The following MAGI2 variants were observed in gnomAD, a reference collection of about 807,000 sequenced individuals.
MAGI2 encodes membrane-associated guanylate kinase, WW and PDZ domain-containing protein 2.
A neutral mutation model predicts 133.3 loss-of-function variants in MAGI2; 35 were observed. The ratio of observed to expected loss-of-function variants is 0.26; its 90% CI spans 0.20 to 0.35. The LOEUF is 0.35. MAGI2 is among the 10% of genes least tolerant of loss of function. MAGI2 has a pLI of 1.00. For synonymous variants in MAGI2, 729 were observed against 710.6 expected (o/e 1.03, Z -0.41); for missense variants, 1,636 against 1,863.4 (o/e 0.88, Z 2.25).
intron 3 of MAGI2, among the ~76,000 whole-genome samples, chr7:78,533,329 G>A (rs1172230084): frequency 6.6e-6 from 1 of 152,076 alleles, no homozygotes; most frequent in Non-Finnish European, 1.5e-5. Flanking sequence ...GGAAAGAAAT[G>A]TGTGGGTCAA....
At chr7:78,903,875 C>T (rs947222634) in intron 2 of MAGI2, 1 of 152,120 alleles carries the variant, frequency 6.6e-6, no homozygotes, top group African/African-American at 2.4e-5. Flanking sequence ...TTCTTTATTC[C>T]CTGTTGCACA....
intron 1 of MAGI2, among the ~76,000 whole-genome samples, chr7:79,258,364 G>C (rs561098662): frequency 2.6e-5 from 4 of 152,216 alleles, no homozygotes; most frequent in African/African-American, 9.6e-5. Context: ...CTAATCAACA[G>C]GGGAAAAAAC....
At chr7:78,219,712 C>A (rs1276534374) in intron 10 of MAGI2, among the ~76,000 whole-genome samples, 2 of 152,186 alleles carry the variant, frequency 1.3e-5, no homozygotes, top group Non-Finnish European at 2.9e-5. Flanking sequence ...AAACCATTCT[C>A]CAATCCAGAA....
At chr7:78,572,405 G>A (rs550759106) in intron 3 of MAGI2, among the ~76,000 whole-genome samples, 5 of 152,164 alleles carry the variant, frequency 3.3e-5, no homozygotes, top group African/African-American at 1.2e-4. Context: ...TCAGACAGAG[G>A]CAAAAGTTCA....
intron 5 of MAGI2, among the ~76,000 whole-genome samples, chr7:78,494,685 T>G (rs1793928421): frequency 6.6e-6 from 1 of 152,228 alleles, no homozygotes; most frequent in African/African-American, 2.4e-5. Context: ...ATGTTTTCAC[T>G]GCTGTACAAC....
At chr7:79,070,626 G>C (rs112402832) in intron 1 of MAGI2, among the ~76,000 whole-genome samples, 1 of 151,540 alleles carries the variant, frequency 6.6e-6, no homozygotes, top group African/African-American at 2.4e-5. Context: ...TGAATAGCTG[G>C]GACTACAGGC....
At chr7:79,201,346 G>T (rs970443832) in intron 1 of MAGI2, among the ~76,000 whole-genome samples, 1 of 151,940 alleles carries the variant, frequency 6.6e-6, no homozygotes, top group African/African-American at 2.4e-5. Context: ...AAGTTTATGA[G>T]GGTTTTATGT....
intron 10 of MAGI2, among the ~76,000 whole-genome samples, chr7:78,236,908 A>G (rs12674163): frequency 0.29 from 44,461 of 152,112 alleles, 7,572 homozygotes; most frequent in Non-Finnish European, 0.37. Flanking sequence ...TTACATGGCA[A>G]TAGGCAAGAA....
At chr7:78,207,719 C>T (rs1787244172) in intron 10 of MAGI2, among the ~76,000 whole-genome samples, 1 of 152,134 alleles carries the variant, frequency 6.6e-6, no homozygotes, top group South Asian at 2.1e-4. Flanking sequence ...CTGACCTAGG[C>T]TAAGAAAAGA....
chr7:78,402,454 C>G (rs189033083), intron 6 of MAGI2, among the ~76,000 whole-genome samples: 4 of 151,554 alleles, frequency 2.6e-5, no homozygotes, highest in African/African-American at 9.7e-5. Flanking sequence ...CCACCTCGGG[C>G]GTGTGTGTGT....
chr7:78,056,105 C>T (rs773469310), intron 21 of MAGI2, among the ~76,000 whole-genome samples: 9 of 152,150 alleles, frequency 5.9e-5, no homozygotes, highest in Admixed American at 3.3e-4. Context: ...CTGGCAACCA[C>T]GTTCTATGTC....
At chr7:78,157,833 T>C (rs910106427) in intron 16 of MAGI2, among the ~76,000 whole-genome samples, 1 of 152,228 alleles carries the variant, frequency 6.6e-6, no homozygotes, top group African/African-American at 2.4e-5. Context: ...CTGCTTTTAG[T>C]CTATGCTTAA....
chr7:79,077,533 C>T (rs1365279648), intron 1 of MAGI2, among the ~76,000 whole-genome samples: 1 of 132,384 alleles, frequency 7.6e-6, no homozygotes, highest in African/African-American at 2.8e-5. Context: ...CGAGATTGTG[C>T]CACTGCACTC....
chr7:78,068,082 T>A (rs1460871000), intron 21 of MAGI2, among the ~76,000 whole-genome samples: 7 of 152,198 alleles, frequency 4.6e-5, no homozygotes, highest in Non-Finnish European at 2.9e-5. Flanking sequence ...ACTAGTTTTG[T>A]GGAAGAGAAT....
chr7:79,155,605 G>A (rs1298077618), intron 1 of MAGI2, among the ~76,000 whole-genome samples: 2 of 152,098 alleles, frequency 1.3e-5, no homozygotes, highest in African/African-American at 4.8e-5. Flanking sequence ...AATGACAAAG[G>A]TGAGATCTAA....
chr7:79,370,025 G>T (rs539421738), intron 1 of MAGI2, among the ~76,000 whole-genome samples: 1 of 151,954 alleles, frequency 6.6e-6, no homozygotes, highest in Non-Finnish European at 1.5e-5. Context: ...AATAAGGCAT[G>T]CATGAATATA....
At chr7:78,309,309 T>G (rs1453496111) in intron 9 of MAGI2, among the ~76,000 whole-genome samples, 1 of 152,204 alleles carries the variant, frequency 6.6e-6, no homozygotes, top group Non-Finnish European at 1.5e-5. Flanking sequence ...AACAGTGGTT[T>G]GGATAAAGAA....
chr7:79,148,185 T>A (rs1822835144), intron 1 of MAGI2, among the ~76,000 whole-genome samples: 1 of 152,132 alleles, frequency 6.6e-6, no homozygotes, highest in Non-Finnish European at 1.5e-5. Flanking sequence ...ATCAATCCAT[T>A]TATTGCTGGG....
intron 21 of MAGI2, among the ~76,000 whole-genome samples, chr7:78,057,827 AT>A (rs1812752030): frequency 6.6e-6 from 1 of 151,540 alleles, no homozygotes. Flanking sequence ...ATTGCCTGAT[AT>A]TTTACTTTGA....
Sources: allele counts gnomAD v4.1 joint callset (sites outside exome capture counted in the v4.1 genomes callset), GRCh38; gene constraint gnomAD v4.1.1; transcripts MANE v1.5; gene names NCBI Gene and HGNC (gene_info 2026-07-23, HGNC 2026-07-21).